The following TMEM182 variants were observed in gnomAD, a reference collection of about 807,000 sequenced individuals.
TMEM182 encodes the protein transmembrane protein 182.
Under a neutral mutation model 26.8 loss-of-function variants are expected in TMEM182, and 20 were observed. That is an observed-to-expected ratio of 0.75 (90% CI 0.53 to 1.09). TMEM182 has a LOEUF of 1.09. Ranked by LOEUF, TMEM182 falls within the 50% of genes least tolerant of loss-of-function variation. The pLI, the probability that TMEM182 is intolerant of heterozygous loss-of-function variation, is 0.00. For missense variants in TMEM182, 277 were observed against 275.5 expected (o/e 1.01, Z -0.04); for synonymous variants, 109 against 102.2 (o/e 1.07, Z -0.40).
intron 4 of TMEM182, 131 bp from the exon 5 acceptor site, chr2:102,814,617 G>T (rs1682673723): frequency 1.3e-6 from 1 of 743,944 alleles, no homozygotes; most frequent in Non-Finnish European, 2.2e-6. Context: ...TAAAAGGTCT[G>T]ACGTAGAGTA....
intron 4 of TMEM182, among the ~76,000 whole-genome samples, chr2:102,800,904 T>C (rs191647944): frequency 6.6e-6 from 1 of 151,990 alleles, no homozygotes; most frequent in African/African-American, 2.4e-5. Context: ...CAAAAAGCAA[T>C]ATACGTGAAG....
intron 1 of TMEM182, among the ~76,000 whole-genome samples, chr2:102,751,144 T>C (rs1250722880): frequency 1.3e-5 from 2 of 152,076 alleles, no homozygotes; most frequent in African/African-American, 2.4e-5. Flanking sequence ...AGAGGTTTAA[T>C]AGGCGCAAGA....
At chr2:102,799,731 C>T (rs542052404) in intron 4 of TMEM182, among the ~76,000 whole-genome samples, 14 of 152,248 alleles carry the variant, frequency 9.2e-5, no homozygotes, top group South Asian at 4.1e-4. Flanking sequence ...AAGGTAGGTC[C>T]GGTCAATTCC....
At chr2:102,838,041 A>T (rs1464648375) in intron 3 of TMEM182, among the ~76,000 whole-genome samples, 2 of 152,180 alleles carry the variant, frequency 1.3e-5, no homozygotes, top group African/African-American at 2.4e-5. Flanking sequence ...GCCCAAGGTA[A>T]CCCTACCCCG....
chr2:102,778,632 A>T (rs890789354), intron 3 of TMEM182, among the ~76,000 whole-genome samples: 2 of 151,986 alleles, frequency 1.3e-5, no homozygotes, highest in Non-Finnish European at 2.9e-5. Flanking sequence ...TGATTTATCT[A>T]TAGTGGTCTT....
At chr2:102,782,644 G>A (rs1384248853) in intron 3 of TMEM182, among the ~76,000 whole-genome samples, 3 of 152,062 alleles carry the variant, frequency 2.0e-5, no homozygotes, top group Non-Finnish European at 4.4e-5. Flanking sequence ...CCCAAAGATC[G>A]GCGAGCTGCC....
At position 102,816,771 on chromosome 2, in the gene TMEM182, GTATCTGAT is replaced by G. The variant is rs1306434455; in HGVS notation, c.*1806_*1813del. 1 of 985,648 alleles carries G rather than the reference GTATCTGAT, an allele frequency of 1.0e-6. No individual in the cohort carries two copies. Among genetic ancestry groups the G allele is most frequent in the East Asian group, 1.1e-4 (1 of 8,830 alleles). 61.1% of individuals were successfully genotyped at this position (985,648 alleles called of 1,614,324 possible). ...TTAAGTTTTCCAGACGATGTTGGATGTATCTGATTAGTTCATGTCATCTGTAAATACAA... is the reference window on the plus strand; with the variant it reads ...TTAAGTTTTCCAGACGATGTTGGATGTAGTTCATGTCATCTGTAAATACAA... On this transcript the variant is annotated 3_prime_UTR_variant, in exon 5 of 5. Transcript: ENST00000412401.
Position 102,762,286 on chromosome 2 carries a change from G to A in TMEM182, c.69G>A (p.Val23=), listed in dbSNP as rs368685589. The A allele has an allele frequency of 4.4e-5, 71 of 1,613,922 alleles. 1 individual carries two copies. The South Asian group carries it at 7.4e-4, about 17-fold the overall frequency. ...CTTTGGGGGTGTTACTCTTTTTGGT[G>A]GCTTTTGGATCGGATTATTGGCTTC... ...FGALGVLLFL[V]AFGSDYWLLA... The change falls in exon 1 of 5, where the codon GTG becomes GTA. Residue 23 remains valine, a synonymous_variant. Transcript: ENST00000412401.
chr2:102,841,412 C>G (rs942873802), intron 3 of TMEM182, among the ~76,000 whole-genome samples: 3 of 152,168 alleles, frequency 2.0e-5, no homozygotes, highest in Non-Finnish European at 2.9e-5. Context: ...GGACCCGGGC[C>G]TGAGCAGTTC....
chr2:102,791,174 G>A, intron 3 of TMEM182, among the ~76,000 whole-genome samples: 1 of 152,086 alleles, frequency 6.6e-6, no homozygotes, highest in East Asian at 1.9e-4. Flanking sequence ...GACCACAAAT[G>A]ATCTGCCTGC....
In TMEM182 at chr2:102,817,571, A is replaced by T. The variant is rs1336731836; in HGVS notation, c.*2603A>T. 1 of 985,302 alleles carries T rather than the reference A, an allele frequency of 1.0e-6. No homozygotes were observed. The highest frequency in any genetic ancestry group is 1.2e-6 in the Non-Finnish European group (1 of 829,918). The allele number at this position is 985,302 out of a possible 1,614,324, so 61.0% of individuals were successfully genotyped here. On this transcript the variant is annotated 3_prime_UTR_variant, in exon 5 of 5. Transcript: ENST00000412401. ...ATGGTAGGGCTTTCTAAAAAAAGTA[A>T]TATCAAGTGTGTTGTTAGTATTCAT...
intron 3 of TMEM182, among the ~76,000 whole-genome samples, chr2:102,828,767 G>C (rs754472659): frequency 6.6e-6 from 1 of 152,198 alleles, no homozygotes; most frequent in African/African-American, 2.4e-5. Context: ...AGCATGGAGT[G>C]AGTGGGTCAT....
At chr2:102,806,159 G>A (rs1682336401) in intron 4 of TMEM182, among the ~76,000 whole-genome samples, 1 of 151,902 alleles carries the variant, frequency 6.6e-6, no homozygotes, top group African/African-American at 2.4e-5. Context: ...TATTGTATTG[G>A]TTTTTTCACT....
At chr2:102,807,136 GT>G (rs1353282182) in intron 4 of TMEM182, among the ~76,000 whole-genome samples, 1 of 152,186 alleles carries the variant, frequency 6.6e-6, no homozygotes, top group African/African-American at 2.4e-5. Flanking sequence ...ATCTAAGAAA[GT>G]TATAAATGCT....
At chr2:102,819,693 C>T (rs887144812), downstream of TMEM182, among the ~76,000 whole-genome samples, 12 of 152,064 alleles carry the variant, frequency 7.9e-5, no homozygotes, top group African/African-American at 1.7e-4. Flanking sequence ...TACATGAACG[C>T]GTAGAAGAAA....
At position 102,834,463 on chromosome 2, in the gene TMEM182, T is replaced by C. The variant is rs1683206128; in HGVS notation, c.326-8949T>C. On this transcript the variant is annotated intron_variant, in intron 3 of 3. Transcript: ENST00000486293. Reference sequence around the variant, plus strand: ...AGTGGAATGTAAAAACGTCTGCCAGTGCCCCATGGTCTCCAACCCACTTTC... The same window carrying C: ...AGTGGAATGTAAAAACGTCTGCCAGCGCCCCATGGTCTCCAACCCACTTTC... 9.1e-6 allele frequency: 9 copies of C among 985,008 alleles called. No individual in the cohort carries two copies. In the African/African-American group the frequency reaches 1.4e-4, roughly 15 times the overall value. The allele number at this position is 985,008 out of a possible 1,614,324, so 61.0% of individuals were successfully genotyped here.
intron 3 of TMEM182, among the ~76,000 whole-genome samples, chr2:102,839,239 GTC>G (rs1319633937): frequency 6.6e-6 from 1 of 152,024 alleles, no homozygotes; most frequent in African/African-American, 2.4e-5. Flanking sequence ...CATCAAAGCT[GTC>G]TAAGTGGCTA....
chr2:102,816,197 G>T lies in TMEM182; in HGVS notation c.*1229G>T. On this transcript the variant is annotated 3_prime_UTR_variant, in exon 5 of 5. Transcript: ENST00000412401. Reference sequence around the variant, plus strand: ...CATCTGAGATGCCTAGCTCGTATTTGCATTCTGGAAGCCTCCATCGCAGGG... The same window carrying T: ...CATCTGAGATGCCTAGCTCGTATTTTCATTCTGGAAGCCTCCATCGCAGGG... 1.0e-6 allele frequency: 1 copy of T among 985,324 alleles called. No homozygotes were observed. Among genetic ancestry groups the T allele is most frequent in the South Asian group, 4.7e-5 (1 of 21,280 alleles). The allele number at this position is 985,324 out of a possible 1,614,324, so 61.0% of individuals were successfully genotyped here.
chr2:102,762,502 C>A, intron 1 of TMEM182, 85 bp from the exon 2 acceptor site: 1 of 1,535,088 alleles, frequency 6.5e-7, no homozygotes, highest in Non-Finnish European at 8.9e-7. Flanking sequence ...GGATAAAATA[C>A]ATGTCCTTAA....
Sources: allele counts gnomAD v4.1 joint callset (sites outside exome capture counted in the v4.1 genomes callset), GRCh38; gene constraint gnomAD v4.1.1; transcripts MANE v1.5; gene names NCBI Gene and HGNC (gene_info 2026-07-23, HGNC 2026-07-21).